Variants in ATP10A observed in about 807,000 individuals in gnomAD.
ATP10A encodes ATPase phospholipid transporting 10A (putative), also known as phospholipid-transporting ATPase VA.
ATP10A carries 111 observed loss-of-function variants against 147.8 expected under a neutral mutation model. The observed-to-expected ratio is 0.75, with a 90% CI of 0.64 to 0.88. The LOEUF (loss-of-function observed/expected upper bound fraction) is 0.88, where lower values mean the gene tolerates loss of function less well. Among genes scored for constraint, ATP10A ranks in the 40% least tolerant of loss-of-function variants. ATP10A has a pLI of 0.00. For missense variants in ATP10A, 1,927 were observed against 1,959.0 expected, an observed-to-expected ratio of 0.98 and a Z score of 0.31; for synonymous variants, 875 against 841.6, an observed-to-expected ratio of 1.04 and a Z score of -0.69.
At chr15:25,676,644 G>A (rs1899141590), downstream of ATP10A, among the ~76,000 whole-genome samples, 1 of 152,048 alleles carries the variant, frequency 6.6e-6, no homozygotes, top group South Asian at 2.1e-4. Flanking sequence ...CATCACTTGG[G>A]CGATTCTCAT....
intron 12 of ATP10A, among the ~76,000 whole-genome samples, chr15:25,705,915 T>C (rs551035485): frequency 6.6e-6 from 1 of 151,824 alleles, no homozygotes; most frequent in African/African-American, 2.4e-5. Context: ...AACCCAGGAG[T>C]TCCATCGCTG....
chr15:25,767,205 G>C lies in ATP10A; in HGVS notation c.654+13814C>G, dbSNP rs1010089022. 2.0e-5 allele frequency among the ~76,000 whole-genome samples: 3 copies of C among 152,178 alleles called. 1 individual carries two copies. The highest frequency in any genetic ancestry group is 4.4e-5 in the Non-Finnish European group (3 of 68,038). ...GTGCCAAGGTTAGAACTGCAATTTT[G>C]GTGCATCATTCTGGCAGGTGCTGCA... On this transcript the variant is annotated intron_variant, in intron 2 of 20. Transcript: ENST00000555815.
rs376943526 is a variant in ATP10A at position 25,765,093 on chromosome 15, T to G, written c.654+15926A>C. On this transcript the variant is annotated intron_variant, in intron 2 of 20. Transcript: ENST00000555815. ...AAGCCTAGACTTTAAACAGCCCTGA[T>G]GTTTCAGGTGAAGGATCTCTGGGGA... Among the ~76,000 whole-genome samples the G allele has an allele frequency of 3.9e-5, 6 of 152,296 alleles. No individual in the cohort carries two copies. In the East Asian group the frequency reaches 1.2e-3, roughly 29 times the overall value.
chr15:25,835,576 C>T (rs76910366), intron 1 of ATP10A, among the ~76,000 whole-genome samples: 142 of 152,206 alleles, frequency 9.3e-4, no homozygotes, highest in African/African-American at 3.1e-3. Flanking sequence ...ACAACAAGGC[C>T]GGCCATAGGA....
intron 1 of ATP10A, among the ~76,000 whole-genome samples, chr15:25,802,966 T>C (rs1181497374): frequency 6.6e-6 from 1 of 152,194 alleles, no homozygotes; most frequent in African/African-American, 2.4e-5. Context: ...GCATTTTACA[T>C]ATGAGGGTGT....
downstream of ATP10A, among the ~76,000 whole-genome samples, chr15:25,674,244 G>C (rs1899095451): frequency 6.6e-6 from 1 of 152,222 alleles, no homozygotes; most frequent in Admixed American, 6.5e-5. Flanking sequence ...CGTGGGGTCA[G>C]GGCTCTGGAA....
chr15:25,859,800 A>G (rs1893675643), intron 1 of ATP10A, among the ~76,000 whole-genome samples: 1 of 152,108 alleles, frequency 6.6e-6, no homozygotes, highest in Admixed American at 6.5e-5. Context: ...CACATAAATA[A>G]TAACATAAAC....
Position 25,679,565 on chromosome 15 carries a change from G to T in ATP10A, c.4276C>A (p.Leu1426Met). ...GTAGGCAGGCTGAAGAGGGAAGACA[G>T]GGGGGTCACCCTGCCGGTGCTGGCA... ...RAASTGRVTPLSSLFSLPTFS... is the reference protein window; with the variant it reads ...RAASTGRVTPMSSLFSLPTFS... The change falls in exon 21 of 21, where the codon CTG (leucine) becomes ATG (methionine). Residue 1426 changes from leucine (L) to methionine (M), a missense_variant. Physicochemically the swap from Leu to Met is conservative, Grantham distance 15. Transcript: ENST00000555815. 3 of 1,611,138 alleles carry T rather than the reference G, an allele frequency of 1.9e-6. No individual in the cohort carries two copies. In the South Asian group the frequency reaches 3.3e-5, roughly 18 times the overall value.
chr15:25,694,718 A>G, intron 14 of ATP10A, 101 bp downstream of exon 14: 1 of 1,061,922 alleles, frequency 9.4e-7, no homozygotes, highest in Non-Finnish European at 1.3e-6. Context: ...CACAGAAAGA[A>G]AGGTGAGGAA....
intron 2 of ATP10A, among the ~76,000 whole-genome samples, 194 bp from the exon 3 acceptor site, chr15:25,736,335 G>A (rs773739002): frequency 1.3e-5 from 2 of 152,184 alleles, no homozygotes; most frequent in Admixed American, 6.5e-5. Flanking sequence ...ATTTTATAAC[G>A]AGTGACAATT....
Position 25,714,060 on chromosome 15 carries a change from C to T in ATP10A, c.1958G>A (p.Arg653Lys). ...STPSSDGMLL[R>K]LEERLGQPTS... The stretch of plus-strand genomic sequence containing the variant: ...GGGCTGGCCCAGCCTCTCCTCCAGC[C>T]TGAGAAGCATGCCGTCGCTGGACGG... Residue 653 changes from arginine to lysine, a missense_variant, in exon 10 of 21, where the codon AGG becomes AAG. Coordinates refer to ENST00000555815, the MANE Select transcript of ATP10A (RefSeq NM_024490.4). 6.2e-7 allele frequency: 1 copy of T among 1,612,858 alleles called. No individual in the cohort carries two copies. The highest frequency in any genetic ancestry group is 8.5e-7 in the Non-Finnish European group (1 of 1,180,010).
At position 25,770,755 on chromosome 15, in the gene ATP10A, G is replaced by C. The variant is rs566967397; in HGVS notation, c.654+10264C>G. Among the ~76,000 whole-genome samples the C allele has an allele frequency of 5.9e-5, 9 of 152,268 alleles. No individual in the cohort carries two copies. The South Asian group carries it at 1.7e-3, about 28-fold the overall frequency. On this transcript the variant is annotated intron_variant, in intron 2 of 20. Transcript: ENST00000555815. The stretch of plus-strand genomic sequence containing the variant: ...CAAGAGGCCTACAGCATCTCTGCAG[G>C]GCTGCCCTGCAGGGCAAATGCACCT...
At chr15:25,845,837 T>A (rs1893003108) in intron 1 of ATP10A, among the ~76,000 whole-genome samples, 1 of 152,074 alleles carries the variant, frequency 6.6e-6, no homozygotes, top group Non-Finnish European at 1.5e-5. Flanking sequence ...GGCAAGACAC[T>A]CAAACAGACA....
intron 17 of ATP10A, 37 bp downstream of exon 17, chr15:25,683,248 CT>C: frequency 6.3e-7 from 1 of 1,595,252 alleles, no homozygotes; most frequent in Non-Finnish European, 8.6e-7. Context: ...GAGGGCAGAG[CT>C]CAGGAGGTGG....
chr15:25,787,724 C>T (rs1209293526), intron 1 of ATP10A, among the ~76,000 whole-genome samples: 1 of 152,042 alleles, frequency 6.6e-6, no homozygotes, highest in Non-Finnish European at 1.5e-5. Context: ...TGGAGTAACA[C>T]AGTTCAGTCC....
intron 1 of ATP10A, among the ~76,000 whole-genome samples, chr15:25,846,844 C>T (rs1893044619): frequency 6.6e-6 from 1 of 152,096 alleles, no homozygotes; most frequent in Non-Finnish European, 1.5e-5. Flanking sequence ...ATTTTATTTT[C>T]ATTTATATTT....
chr15:25,859,142 C>CT (rs1453898600), intron 1 of ATP10A, among the ~76,000 whole-genome samples: 2 of 152,212 alleles, frequency 1.3e-5, no homozygotes, highest in Non-Finnish European at 2.9e-5. Flanking sequence ...GCCCGCCACT[C>CT]TCCCAGCCTG....
chr15:25,851,362 G>C (rs1893288664), intron 1 of ATP10A, among the ~76,000 whole-genome samples: 1 of 151,388 alleles, frequency 6.6e-6, no homozygotes, highest in Non-Finnish European at 1.5e-5. Flanking sequence ...ACTTACTTTA[G>C]GTTTTTTTTT....
At chr15:25,803,793 C>T (rs750180155) in intron 1 of ATP10A, among the ~76,000 whole-genome samples, 5 of 152,222 alleles carry the variant, frequency 3.3e-5, no homozygotes, top group African/African-American at 4.8e-5. Flanking sequence ...CGCAAACCTC[C>T]GTGGGCCTCG....
Sources: allele counts gnomAD v4.1 joint callset (sites outside exome capture counted in the v4.1 genomes callset), GRCh38; gene constraint gnomAD v4.1.1; transcripts MANE v1.5; gene names NCBI Gene and HGNC (gene_info 2026-07-23, HGNC 2026-07-21).